KRT18: variants seen among roughly 807,000 people sequenced by gnomAD.
KRT18 encodes keratin 18, also known as keratin, type I cytoskeletal 18.
KRT18 carries 8 observed loss-of-function variants against 39.9 expected under a neutral mutation model. The ratio of observed to expected loss-of-function variants is 0.20; its 90% CI spans 0.12 to 0.36. The LOEUF is 0.36. KRT18 is among the 10% of genes least tolerant of loss of function. The probability of loss-of-function intolerance (pLI) is 1.00; values close to 1 mark genes in which losing one functional copy is unlikely to be tolerated. For synonymous variants in KRT18, 194 were observed against 227.8 expected (o/e 0.85, Z 1.33); for missense variants, 396 against 565.7 (o/e 0.70, Z 3.04).
At chr12:52,951,348 C>T (rs1235747176) in intron 3 of KRT18, 133 bp from the exon 4 acceptor site, 2 of 913,618 alleles carry the variant, frequency 2.2e-6, no homozygotes, top group Non-Finnish European at 3.6e-6. Flanking sequence ...TGGCATTGCC[C>T]TGAGTGCAAG....
rs57370769 is a variant in KRT18 at position 52,952,188 on chromosome 12, G to A, written c.1018G>A (p.Gly340Arg). The change falls in exon 6 of 7, where the codon GGG (glycine) becomes AGG (arginine). Residue 340 changes from glycine (G) to arginine (R), a missense_variant. Coordinates refer to ENST00000388835, the MANE Select transcript of KRT18 (RefSeq NM_000224.3). ...CGCCCTACAGATGGAGCAGCTCAAC[G>A]GGATCCTGCTGCACCTTGAGTCAGA... is the stretch of plus-strand genomic sequence containing the variant. The part of the protein sequence containing the change: ...RYALQMEQLN[G>R]ILLHLESELA... 16 of 1,588,648 alleles carry A rather than the reference G, an allele frequency of 1.0e-5. No homozygotes were observed. In the East Asian group the frequency reaches 1.1e-4, roughly 11 times the overall value.
intron 2 of KRT18, 30 bp from the exon 3 acceptor site, chr12:52,950,720 G>GGGCC (rs771151458): frequency 6.2e-7 from 1 of 1,602,222 alleles, no homozygotes; most frequent in Admixed American, 1.7e-5. Context: ...TCAGAGATAG[G>GGGCC]GGCCCCTCTG....
intron 3 of KRT18, 98 bp from the exon 4 acceptor site, chr12:52,951,383 T>C: frequency 4.0e-6 from 5 of 1,262,162 alleles, no homozygotes; most frequent in African/African-American, 2.9e-5. Context: ...CTGTCTCTTC[T>C]CCAACTGTAG....
chr12:52,952,445 A>G (rs1029067539), intron 6 of KRT18, 103 bp downstream of exon 6: 5 of 866,482 alleles, frequency 5.8e-6, no homozygotes, highest in South Asian at 1.4e-5. Context: ...ACTGGTATCC[A>G]CTGAGCACTG....
At chr12:52,949,758 A>C (rs1347167793) in intron 1 of KRT18, 168 bp downstream of exon 1, 2 of 728,388 alleles carry the variant, frequency 2.7e-6, no homozygotes, top group Non-Finnish European at 5.0e-6. Flanking sequence ...CCCTAAGAGC[A>C]GCAGCTAGGC....
intron 1 of KRT18, 92 bp from the exon 2 acceptor site, chr12:52,950,236 T>G (rs570780805): frequency 1.1e-6 from 1 of 935,292 alleles, no homozygotes; most frequent in Non-Finnish European, 1.8e-6. Context: ...ACCAGGAAGT[T>G]TTCACTAGGA....
At chr12:52,948,989 G>A (rs1942403754), upstream of KRT18, 3 of 505,604 alleles carry the variant, frequency 5.9e-6, no homozygotes, top group Non-Finnish European at 6.8e-6. Flanking sequence ...TGGGGCCCGG[G>A]GCGGAGCGGC....
rs550963704 is a variant in KRT18 at position 52,949,888 on chromosome 12, C to A, written c.417+298C>A. 2.1e-3 allele frequency: 1,445 copies of A among 681,462 alleles called. 6 individuals are homozygous for A. Among genetic ancestry groups the A allele is most frequent in the Admixed American group, 5.1e-3 (245 of 48,044 alleles). 42.2% of individuals were successfully genotyped at this position (681,462 alleles called of 1,614,324 possible). ...CTGTAAAGAGGAGGAGACACTGGCT[C>A]TGGCGGAATGGGGACTATTGGAGGG... On this transcript the variant is annotated intron_variant, in intron 1 of 6. Transcript: ENST00000388835.
chr12:52,951,749 G>C lies in KRT18; in HGVS notation c.841G>C (p.Val281Leu), dbSNP rs766276909. 6.2e-7 allele frequency: 1 copy of C among 1,613,476 alleles called. No homozygotes were observed. Among genetic ancestry groups the C allele is most frequent in the Non-Finnish European group, 8.5e-7 (1 of 1,180,022 alleles). Residue 281 changes from valine (V) to leucine (L), a missense_variant, in exon 5 of 7, where the codon GTG becomes CTG. By Grantham distance (32) the Val-to-Leu change is conservative. Transcript: ENST00000388835. ...WSQQIEESTT[V>L]VTTQSAEVGA... ...CCTGCAGATTGAGGAGAGCACCACA[G>C]TGGTCACCACACAGTCTGCTGAGGT... is the stretch of plus-strand genomic sequence containing the variant.
In KRT18 at chr12:52,949,378, G is replaced by T. The variant is rs11551624; in HGVS notation, c.205G>T (p.Gly69Trp). Residue 69 changes from glycine (G) to tryptophan (W), a missense_variant, in exon 1 of 7, where the codon GGG becomes TGG. Physicochemically the swap from Gly to Trp is radical, Grantham distance 184. Transcript: ENST00000388835. ...GSGGLATGIA[G>W]GLAGMGGIQN... ...CGGGGGCCTGGCCACCGGGATAGCC[G>T]GGGGTCTGGCAGGAATGGGAGGCAT... 1 of 1,610,770 alleles carries T rather than the reference G, an allele frequency of 6.2e-7. No individual in the cohort carries two copies. Among genetic ancestry groups the T allele is most frequent in the East Asian group, 2.2e-5 (1 of 44,888 alleles).
chr12:52,951,141 A>G (rs1942480445), intron 3 of KRT18, among the ~76,000 whole-genome samples: 1 of 152,244 alleles, frequency 6.6e-6, no homozygotes, highest in Non-Finnish European at 1.5e-5. Context: ...AGATGAGAAC[A>G]GAAGTAGAAG....
In KRT18 at chr12:52,950,801, G is replaced by C; in HGVS notation, c.552G>C (p.Gly184=). Reference sequence around the variant, plus strand: ...AGTCTGTGGAGAACGACATCCATGGGCTCCGCAAGGTCATTGATGACACCA... The same window carrying C: ...AGTCTGTGGAGAACGACATCCATGGCCTCCGCAAGGTCATTGATGACACCA... The part of the protein sequence containing the change: ...MRQSVENDIH[G]LRKVIDDTNI... Residue 184 remains glycine (G), a synonymous_variant, in exon 3 of 7, where the codon GGG becomes GGC. Transcript: ENST00000388835. 6.2e-7 allele frequency: 1 copy of C among 1,610,934 alleles called. No homozygotes were observed. The highest frequency in any genetic ancestry group is 8.5e-7 in the Non-Finnish European group (1 of 1,179,390).
chr12:52,952,056 T>C lies in KRT18; in HGVS notation c.949-63T>C, dbSNP rs911162256. 36 of 1,419,462 alleles carry C rather than the reference T, an allele frequency of 2.5e-5. No individual in the cohort carries two copies. In the African/African-American group the frequency reaches 4.7e-4, roughly 18 times the overall value. The allele number at this position is 1,419,462 out of a possible 1,614,324, so 87.9% of individuals were successfully genotyped here. A position where few individuals can be genotyped will look rare whatever the true frequency, so the allele number is the denominator to read the frequency against. ...AGGTGCCCAAAAAAGTTTCCAAAAGTGAAGGGATGAGCAGTCCTGGGACTC... is the reference window on the plus strand; with the variant it reads ...AGGTGCCCAAAAAAGTTTCCAAAAGCGAAGGGATGAGCAGTCCTGGGACTC... On this transcript the variant is annotated intron_variant, in intron 5 of 6. Coordinates refer to ENST00000388835, the MANE Select transcript of KRT18 (RefSeq NM_000224.3).
chr12:52,952,148 G>T lies in KRT18; in HGVS notation c.978G>T (p.Glu326Asp). ...LKASLENSLR[E>D]VEARYALQME... ...CCAGCTTGGAGAACAGCCTGAGGGA[G>T]GTGGAGGCCCGCTACGCCCTACAGA... Residue 326 changes from glutamate (E) to aspartate (D), a missense_variant, in exon 6 of 7, where the codon GAG becomes GAT. Coordinates refer to ENST00000388835, the MANE Select transcript of KRT18 (RefSeq NM_000224.3). The T allele has an allele frequency of 6.4e-7, 1 of 1,568,356 alleles. No homozygotes were observed. Among genetic ancestry groups the T allele is most frequent in the South Asian group, 1.2e-5 (1 of 85,396 alleles).
chr12:52,951,843 C>T lies in KRT18; in HGVS notation c.935C>T (p.Ser312Phe). ...TVQSLEIDLD[S>F]MRNLKASLEN... ...CAGTCCTTGGAGATCGACCTGGACT[C>T]CATGAGAAATCTGGTGAGTGCCTTC... The change falls in exon 5 of 7, where the codon TCC (serine) becomes TTC (phenylalanine). Residue 312 changes from serine (S) to phenylalanine (F), a missense_variant. By Grantham distance (155) the Ser-to-Phe change is radical. Transcript: ENST00000388835. 1 of 1,606,410 alleles carries T rather than the reference C, an allele frequency of 6.2e-7. No homozygotes were observed. Among genetic ancestry groups the T allele is most frequent in the Non-Finnish European group, 8.5e-7 (1 of 1,179,980 alleles).
Position 52,952,718 on chromosome 12 carries a change from A to G in KRT18, c.1173-4A>G. On this transcript the variant is annotated splice_region_variant and splice_polypyrimidine_tract_variant and intron_variant, in intron 6 of 6. Transcript: ENST00000388835. ...TATAACTTGGGCTTGGTCTTCTGTTACAGTCTTGGTGATGCCTTGGACAGC... is the reference window on the plus strand; with the variant it reads ...TATAACTTGGGCTTGGTCTTCTGTTGCAGTCTTGGTGATGCCTTGGACAGC... The G allele has an allele frequency of 3.1e-6, 5 of 1,612,490 alleles. No individual in the cohort carries two copies. Among genetic ancestry groups the G allele is most frequent in the Non-Finnish European group, 4.2e-6 (5 of 1,179,976 alleles).
rs961254162 is a variant in KRT18 at position 52,952,127 on chromosome 12, C to T, written c.957C>T (p.Ser319=). The change falls in exon 6 of 7, where the codon AGC becomes AGT. Residue 319 remains serine (S), a synonymous_variant. Transcript: ENST00000388835. Reference sequence around the variant, plus strand: ...TCTCTGTGCCCCTGCAGAAGGCCAGCTTGGAGAACAGCCTGAGGGAGGTGG... The same window carrying T: ...TCTCTGTGCCCCTGCAGAAGGCCAGTTTGGAGAACAGCCTGAGGGAGGTGG... ...DLDSMRNLKA[S]LENSLREVEA... 1.9e-6 allele frequency: 3 copies of T among 1,560,266 alleles called. No individual in the cohort carries two copies. Among genetic ancestry groups the T allele is most frequent in the Non-Finnish European group, 1.7e-6 (2 of 1,151,336 alleles).
rs781046733 is a variant in KRT18, at chr12:52,951,525, C to G, written c.702C>G (p.Thr234=). The G allele has an allele frequency of 4.3e-6, 7 of 1,613,940 alleles. No individual in the cohort carries two copies. Among genetic ancestry groups the G allele is most frequent in the Admixed American group, 1.7e-5 (1 of 59,992 alleles). The change falls in exon 4 of 7, where the codon ACC becomes ACG. Residue 234 remains threonine, a synonymous_variant. Coordinates refer to ENST00000388835, the MANE Select transcript of KRT18 (RefSeq NM_000224.3). ...LQAQIASSGL[T]VEVDAPKSQD... is the part of the protein sequence containing the mutation. ...CCCAGATTGCCAGCTCTGGGTTGAC[C>G]GTGGAGGTAGATGCCCCCAAATCTC...
At chr12:52,948,935 G>C (rs964352053), upstream of KRT18, 3 of 435,800 alleles carry the variant, frequency 6.9e-6, no homozygotes, top group Non-Finnish European at 7.9e-6. Flanking sequence ...CCCGTTTCTG[G>C]GGGGTGAGCG....
Sources: allele counts gnomAD v4.1 joint callset (sites outside exome capture counted in the v4.1 genomes callset), GRCh38; gene constraint gnomAD v4.1.1; transcripts MANE v1.5; gene names NCBI Gene and HGNC (gene_info 2026-07-23, HGNC 2026-07-21).